Variants in DHRSX observed in about 807,000 individuals in gnomAD.
The protein encoded by DHRSX is dehydrogenase/reductase X-linked, also known as polyprenol dehydrogenase.
Under a neutral mutation model 34.0 loss-of-function variants are expected in DHRSX, and 31 were observed. That is an observed-to-expected ratio of 0.91 (90% CI 0.69 to 1.23). The LOEUF is 1.23. DHRSX is among the 50% of genes most tolerant of loss of function. The pLI is 0.00. For missense variants in DHRSX, 414 were observed against 428.1 expected (o/e 0.97, Z 0.29); for synonymous variants, 201 against 183.8 (o/e 1.09, Z -0.76).
chrX:2,283,064 AAGAG>A (rs889525273), intron 4 of DHRSX, among the ~76,000 whole-genome samples: 1 of 151,214 alleles, frequency 6.6e-6, no homozygotes, highest in African/African-American at 2.4e-5. Flanking sequence ...GAGTTACAGA[AAGAG>A]AGAGAGAGAG....
intron 4 of DHRSX, among the ~76,000 whole-genome samples, chrX:2,288,720 G>A (rs2041833726): frequency 6.6e-6 from 1 of 152,220 alleles, no homozygotes; most frequent in Non-Finnish European, 1.5e-5. Context: ...TGGAAGAAAG[G>A]TCTAGATAAG....
chrX:2,402,173 C>T (rs923550586), intron 3 of DHRSX, among the ~76,000 whole-genome samples: 8 of 152,184 alleles, frequency 5.3e-5, no homozygotes, highest in Non-Finnish European at 8.8e-5. Context: ...GGAGTCAGGA[C>T]GTGAGCCGAC....
At chrX:2,458,665 G>C (rs1782360006) in intron 1 of DHRSX, among the ~76,000 whole-genome samples, 1 of 141,494 alleles carries the variant, frequency 7.1e-6, no homozygotes, top group Non-Finnish European at 1.6e-5. Context: ...TGGTTGCCAG[G>C]GAAGAATGCT....
chrX:2,334,170 C>CGTTT (rs1556478486), intron 3 of DHRSX: 3 of 105,112 alleles, frequency 2.9e-5, no homozygotes, highest in African/African-American at 1.2e-4. Flanking sequence ...CAAAAGTATG[C>CGTTT]TTTTTTTTTT....
intron 3 of DHRSX, among the ~76,000 whole-genome samples, chrX:2,339,892 G>A (rs981421795): frequency 1.3e-5 from 2 of 152,088 alleles, no homozygotes; most frequent in Non-Finnish European, 2.9e-5. Flanking sequence ...TCAGTCATGT[G>A]ATTACTGGGT....
At chrX:2,246,652 GAAAGAAAGA>G (rs200424766) in intron 5 of DHRSX, among the ~76,000 whole-genome samples, 7,554 of 120,570 alleles carry the variant, frequency 0.063, 375 homozygotes, top group Admixed American at 0.096. Flanking sequence ...CAGAAAGAGA[GAAAGAAAGA>G]AAAGAAAGAA....
At chrX:2,388,972 G>A (rs182795004) in intron 3 of DHRSX, among the ~76,000 whole-genome samples, 2 of 152,336 alleles carry the variant, frequency 1.3e-5, no homozygotes, top group Admixed American at 1.3e-4. Context: ...AAGCCAGAGA[G>A]AAAGCAAGCC....
chrX:2,253,966 C>T (rs2016502033), intron 5 of DHRSX, among the ~76,000 whole-genome samples: 1 of 151,946 alleles, frequency 6.6e-6, no homozygotes, highest in African/African-American at 2.4e-5. Context: ...GAGGTTGAGG[C>T]AGGAGAATGG....
chrX:2,371,494 C>T (rs2043066646), intron 3 of DHRSX, among the ~76,000 whole-genome samples: 2 of 138,902 alleles, frequency 1.4e-5, no homozygotes, highest in Non-Finnish European at 3.2e-5. Context: ...CTCCCGTTAC[C>T]GTAGACCCTC....
intron 3 of DHRSX, among the ~76,000 whole-genome samples, chrX:2,398,858 G>T (rs2043447034): frequency 6.6e-6 from 1 of 150,580 alleles, no homozygotes; most frequent in South Asian, 2.1e-4. Flanking sequence ...CTATTTATTT[G>T]TTTATTTATT....
chrX:2,469,133 C>A (rs995228381), intron 1 of DHRSX, among the ~76,000 whole-genome samples: 9 of 149,110 alleles, frequency 6.0e-5, no homozygotes, highest in Non-Finnish European at 1.0e-4. Context: ...CCTAACAATG[C>A]GCCCAAGGGA....
chrX:2,330,141 G>A (rs1378079516), intron 3 of DHRSX, among the ~76,000 whole-genome samples: 4 of 133,558 alleles, frequency 3.0e-5, no homozygotes, highest in Non-Finnish European at 6.4e-5. Flanking sequence ...AAAGGAAGGA[G>A]GAGGAGGAGA....
intron 3 of DHRSX, among the ~76,000 whole-genome samples, chrX:2,370,275 G>A (rs1043693027): frequency 5.3e-5 from 8 of 151,834 alleles, no homozygotes; most frequent in Non-Finnish European, 1.0e-4. Context: ...GGGTTCAAGC[G>A]ATTCTCCTGC....
At chrX:2,481,289 C>T (rs1232137799) in intron 1 of DHRSX, among the ~76,000 whole-genome samples, 1 of 152,152 alleles carries the variant, frequency 6.6e-6, no homozygotes, top group Admixed American at 6.5e-5. Flanking sequence ...AATGGTGTCT[C>T]CTCTTAATTC....
chrX:2,273,171 T>A (rs1274076983), intron 4 of DHRSX, among the ~76,000 whole-genome samples: 1 of 152,054 alleles, frequency 6.6e-6, no homozygotes, highest in African/African-American at 2.4e-5. Flanking sequence ...CCAGCCTGGG[T>A]GACAGAGCAA....
chrX:2,335,452 T>TGG (rs2042546484), intron 3 of DHRSX, among the ~76,000 whole-genome samples: 2 of 148,480 alleles, frequency 1.3e-5, no homozygotes, highest in Admixed American at 1.4e-4. Flanking sequence ...TTTTTTGGGG[T>TGG]GTGTGTGTGT....
chrX:2,262,090 G>A (rs1344496830), intron 5 of DHRSX, among the ~76,000 whole-genome samples: 1 of 152,150 alleles, frequency 6.6e-6, no homozygotes, highest in East Asian at 1.9e-4. Flanking sequence ...TGGGCATCAG[G>A]GAAGGCTGGC....
At chrX:2,465,809 C>CAAAAAAAAAAAAAAAAAAAA (rs375728172) in intron 1 of DHRSX, among the ~76,000 whole-genome samples, 4 of 84,724 alleles carry the variant, frequency 4.7e-5, no homozygotes, top group Admixed American at 1.3e-4. Flanking sequence ...AACTCCATCG[C>CAAAAAAAAAAAAAAAAAAAA]AAAAAAAAAA....
intron 3 of DHRSX, among the ~76,000 whole-genome samples, chrX:2,309,626 T>C (rs2042140480): frequency 6.6e-6 from 1 of 152,160 alleles, no homozygotes; most frequent in African/African-American, 2.4e-5. Flanking sequence ...TTGAAAATCA[T>C]CATGGCCAGG....
Sources: gnomAD v4.1 joint callset for allele counts (sites outside exome capture counted in the v4.1 genomes callset) on GRCh38, gnomAD v4.1.1 for gene constraint, MANE v1.5 for transcripts, NCBI Gene and HGNC (gene_info 2026-07-23, HGNC 2026-07-21) for gene names.